Variants in DLGAP2 observed in about 807,000 individuals in gnomAD.
The protein encoded by DLGAP2 is DLG associated protein 2.
DLGAP2 carries 26 observed loss-of-function variants against 100.3 expected under a neutral mutation model. The observed-to-expected ratio is 0.26, with a 90% confidence interval of 0.19 to 0.36. The LOEUF is 0.36. Ranked by LOEUF, DLGAP2 falls within the 10% of genes least tolerant of loss-of-function variation. DLGAP2 has a pLI of 1.00. For missense variants in DLGAP2, 1,858 were observed against 1,453.2 expected, an observed-to-expected ratio of 1.28 and a Z score of -4.53; for synonymous variants, 886 against 630.1, an observed-to-expected ratio of 1.41 and a Z score of -6.08.
chr8:1,667,657 A>G (rs906239502), intron 8 of DLGAP2, among the ~76,000 whole-genome samples: 2 of 152,334 alleles, frequency 1.3e-5, no homozygotes, highest in Non-Finnish European at 2.9e-5. Context: ...CGCGATTAAC[A>G]TCTTCAGGTG....
At chr8:1,205,667 G>T (rs1232483711) in intron 2 of DLGAP2, among the ~76,000 whole-genome samples, 1 of 152,162 alleles carries the variant, frequency 6.6e-6, no homozygotes, top group East Asian at 1.9e-4. Flanking sequence ...AGGTGGGAAG[G>T]CTGGACAGGT....
intron 2 of DLGAP2, among the ~76,000 whole-genome samples, chr8:1,129,494 C>T (rs1004020680): frequency 1.3e-5 from 2 of 152,064 alleles, no homozygotes; most frequent in Non-Finnish European, 2.9e-5. Flanking sequence ...CAAGTCTTAT[C>T]ACTCACATTT....
At chr8:766,924 C>T (rs1303556972) in intron 1 of DLGAP2, among the ~76,000 whole-genome samples, 2 of 152,118 alleles carry the variant, frequency 1.3e-5, no homozygotes, top group Non-Finnish European at 2.9e-5. Context: ...GGGTGGGCAA[C>T]AGTGAGGGGA....
At chr8:979,014 AG>A (rs1284266156) in intron 2 of DLGAP2, among the ~76,000 whole-genome samples, 1 of 152,176 alleles carries the variant, frequency 6.6e-6, no homozygotes, top group Non-Finnish European at 1.5e-5. Flanking sequence ...GTCACTCCCC[AG>A]CTTGTTCCCA....
At chr8:1,685,802 G>A (rs181902823) in intron 12 of DLGAP2, among the ~76,000 whole-genome samples, 18 of 151,378 alleles carry the variant, frequency 1.2e-4, no homozygotes, top group African/African-American at 2.9e-4. Flanking sequence ...GACATACAAC[G>A]GGCCAACAGG....
Position 1,569,751 on chromosome 8 carries a change from G to A in DLGAP2, c.1442+3857G>A, listed in dbSNP as rs1192272669. ...CAAGCCACCAAGGCTCTCAGCTGAA[G>A]GTAGCTCAGCCCCAAGCCCCGTGGC... On this transcript the variant is annotated intron_variant, in intron 6 of 14. Transcript: ENST00000637795. Among the ~76,000 whole-genome samples, 5 of 152,222 alleles carry A rather than the reference G, an allele frequency of 3.3e-5. No individual in the cohort carries two copies. The East Asian group carries it at 5.8e-4, about 18-fold the overall frequency.
chr8:1,195,312 G>C (rs77854102), intron 2 of DLGAP2, among the ~76,000 whole-genome samples: 197 of 152,310 alleles, frequency 1.3e-3, no homozygotes, highest in African/African-American at 4.5e-3. Context: ...CAGGAGCAGA[G>C]CCTGAAGTCA....
Position 1,188,177 on chromosome 8 carries a change from A to C in DLGAP2, c.74-70674A>C, listed in dbSNP as rs576765465. Among the ~76,000 whole-genome samples, 9 of 126,894 alleles carry C rather than the reference A, an allele frequency of 7.1e-5. No individual in the cohort carries two copies. The South Asian group carries it at 1.6e-3, about 23-fold the overall frequency. The allele number at this position is 126,894 out of a possible 152,430, so 83.2% of individuals were successfully genotyped here. ...CGTGACGTTTCCCTCACGGAATCTC[A>C]CACGCCCGGGACCTCTGTGACGTTT... is the stretch of plus-strand genomic sequence containing the variant. On this transcript the variant is annotated intron_variant, in intron 2 of 14. Transcript: ENST00000637795.
At chr8:1,296,306 A>G (rs1800173184) in intron 3 of DLGAP2, 1 of 152,168 alleles carries the variant, frequency 6.6e-6, no homozygotes, top group African/African-American at 2.4e-5. Context: ...AACCTCAATT[A>G]TAACTTTATA....
chr8:1,513,727 T>G (rs1005765976), intron 4 of DLGAP2, among the ~76,000 whole-genome samples: 3 of 152,226 alleles, frequency 2.0e-5, no homozygotes, highest in Admixed American at 6.5e-5. Flanking sequence ...CACTTTTTAA[T>G]AAACAATTAT....
At chr8:808,283 C>T (rs923996964) in intron 1 of DLGAP2, among the ~76,000 whole-genome samples, 5 of 152,202 alleles carry the variant, frequency 3.3e-5, no homozygotes, top group Non-Finnish European at 4.4e-5. Flanking sequence ...GGTGCAGCTC[C>T]ATCTCCAGGG....
intron 1 of DLGAP2, among the ~76,000 whole-genome samples, chr8:879,011 A>G (rs1465943158): frequency 2.0e-5 from 3 of 152,234 alleles, no homozygotes; most frequent in African/African-American, 7.2e-5. Flanking sequence ...TCTGGGCTCA[A>G]TGAAGGAGCC....
intron 2 of DLGAP2, among the ~76,000 whole-genome samples, chr8:909,552 T>C (rs1273071841): frequency 1.3e-5 from 2 of 152,190 alleles, no homozygotes; most frequent in African/African-American, 2.4e-5. Context: ...TTACTTTTCA[T>C]GAGACTCCAA....
At chr8:1,574,001 G>A (rs1802862851) in intron 6 of DLGAP2, among the ~76,000 whole-genome samples, 1 of 152,112 alleles carries the variant, frequency 6.6e-6, no homozygotes, top group South Asian at 2.1e-4. Context: ...AACCCATTCT[G>A]GGAGCTCCAG....
intron 1 of DLGAP2, among the ~76,000 whole-genome samples, chr8:761,161 G>C (rs1241207613): frequency 6.6e-6 from 1 of 152,100 alleles, no homozygotes; most frequent in African/African-American, 2.4e-5. Flanking sequence ...TCCTGGCTTG[G>C]GGGGCCAGGC....
At chr8:1,276,111 A>G (rs992851717) in intron 3 of DLGAP2, among the ~76,000 whole-genome samples, 1 of 142,476 alleles carries the variant, frequency 7.0e-6, no homozygotes, top group African/African-American at 2.6e-5. Flanking sequence ...ATAAATATAT[A>G]TATAATATAT....
Position 1,220,291 on chromosome 8 carries a change from G to T in DLGAP2, c.74-38560G>T, listed in dbSNP as rs532734265. ...AACACTGCTTTACCTGTGACCCAAAGATTGTGGCATGTTGTATATTTGTTT... is the reference window on the plus strand; with the variant it reads ...AACACTGCTTTACCTGTGACCCAAATATTGTGGCATGTTGTATATTTGTTT... On this transcript the variant is annotated intron_variant, in intron 2 of 14. Transcript: ENST00000637795. 5.5e-4 allele frequency among the ~76,000 whole-genome samples: 83 copies of T among 152,262 alleles called. 2 individuals are homozygous for T. In the South Asian group the frequency reaches 0.017, roughly 32 times the overall value.
chr8:863,643 A>G (rs549214778), intron 1 of DLGAP2, among the ~76,000 whole-genome samples: 1 of 152,162 alleles, frequency 6.6e-6, no homozygotes, highest in Non-Finnish European at 1.5e-5. Flanking sequence ...ACCGCGGATC[A>G]TCGGGGAGAT....
intron 1 of DLGAP2, among the ~76,000 whole-genome samples, chr8:898,027 A>T (rs1371365189): frequency 6.8e-6 from 1 of 147,482 alleles, no homozygotes; most frequent in Non-Finnish European, 1.5e-5. Flanking sequence ...GCCACGTGTG[A>T]CCCTGACCTG....
Sources: allele counts gnomAD v4.1 joint callset (sites outside exome capture counted in the v4.1 genomes callset), GRCh38; gene constraint gnomAD v4.1.1; transcripts MANE v1.5; gene names NCBI Gene and HGNC (gene_info 2026-07-23, HGNC 2026-07-21).